The following VPS13A variants were observed in gnomAD, a reference collection of about 807,000 sequenced individuals.
The protein encoded by VPS13A is intermembrane lipid transfer protein VPS13A.
Under a neutral mutation model 390.9 loss-of-function variants are expected in VPS13A, and 264 were observed. The observed-to-expected ratio is 0.68, with a 90% CI of 0.61 to 0.75. The LOEUF (loss-of-function observed/expected upper bound fraction) is 0.75, where lower values mean the gene tolerates loss of function less well. Among genes scored for constraint, VPS13A ranks in the 30% least tolerant of loss-of-function variants. The pLI is 0.00. For synonymous variants in VPS13A, 1,231 were observed against 1,227.1 expected, an observed-to-expected ratio of 1.00 and a Z score of -0.07; for missense variants, 3,409 against 3,733.9, an observed-to-expected ratio of 0.91 and a Z score of 2.27.
At position 77,337,277 on chromosome 9, in the gene VPS13A, G is replaced by A. The variant is rs1373319549; in HGVS notation, c.6118G>A (p.Glu2040Lys). The A allele has an allele frequency of 3.1e-6, 5 of 1,612,308 alleles. No individual in the cohort carries two copies. The highest frequency in any genetic ancestry group is 2.2e-5 in the East Asian group (1 of 44,758). The stretch of plus-strand genomic sequence containing the variant: ...CAGATCATTCATTTTTCTGAAGCCA[G>A]AAGATGAGAACTATCAAATGTGTGA... Reference protein sequence around the residue: ...SYRSFIFLKPEDENYQMCEGI... With the variant: ...SYRSFIFLKPKDENYQMCEGI... The change falls in exon 47 of 72, where the codon GAA (glutamate) becomes AAA (lysine). Residue 2040 changes from glutamate to lysine, a missense_variant. Transcript: ENST00000360280.
At chr9:77,321,084 C>T in intron 42 of VPS13A, 85 bp from the exon 43 acceptor site, 1 of 1,239,220 alleles carries the variant, frequency 8.1e-7, no homozygotes. Context: ...AATGTACTGA[C>T]CTTTCTAATG....
intron 34 of VPS13A, among the ~76,000 whole-genome samples, chr9:77,306,407 T>A (rs1219470070): frequency 1.1e-4 from 14 of 126,868 alleles, no homozygotes; most frequent in African/African-American, 3.6e-4. Context: ...AGAGAGTGTG[T>A]GTGTGTTTGT....
intron 19 of VPS13A, among the ~76,000 whole-genome samples, chr9:77,240,478 GTTTTT>G (rs11351060): frequency 1.6e-5 from 2 of 126,068 alleles, no homozygotes. Context: ...TTATGTTTTT[GTTTTT>G]TTTTTTTTTT....
At chr9:77,354,878 C>T (rs1831678489) in intron 54 of VPS13A, among the ~76,000 whole-genome samples, 2 of 152,180 alleles carry the variant, frequency 1.3e-5, no homozygotes, top group Admixed American at 1.3e-4. Flanking sequence ...CAACAGTTTA[C>T]AGTAGATATA....
intron 50 of VPS13A, chr9:77,340,837 G>A (rs917245697): frequency 8.7e-6 from 3 of 344,792 alleles, no homozygotes; most frequent in Non-Finnish European, 1.1e-5. Flanking sequence ...AGATGTAAAT[G>A]CACCAAAGAG....
chr9:77,315,184 G>GT lies in VPS13A; in HGVS notation c.4413-65dup, dbSNP rs1829316001. Reference sequence around the variant, plus strand: ...AGTAAAAGAGATAAGAGGTCTTTGAGTTTTACTCATATGTTTGATTACTTC... The same window carrying GT: ...AGTAAAAGAGATAAGAGGTCTTTGAGTTTTTACTCATATGTTTGATTACTTC... On this transcript the variant is annotated intron_variant, in intron 37 of 71. Transcript: ENST00000360280. 4 of 1,385,824 alleles carry GT rather than the reference G, an allele frequency of 2.9e-6. No individual in the cohort carries two copies. The Admixed American group carries it at 6.7e-5, about 23-fold the overall frequency. 85.8% of individuals were successfully genotyped at this position (1,385,824 alleles called of 1,614,324 possible).
In VPS13A at chr9:77,417,826, G is replaced by C. The variant is rs1587745572; in HGVS notation, c.*1820G>C. 1 of 152,134 alleles carries C rather than the reference G, an allele frequency of 6.6e-6. No individual in the cohort carries two copies. The highest frequency in any genetic ancestry group is 1.5e-5 in the Non-Finnish European group (1 of 68,024). The allele number at this position is 152,134 out of a possible 1,614,324, so 9.4% of individuals were successfully genotyped here. The stretch of plus-strand genomic sequence containing the variant: ...CTGGCAGCCAGCAGGAGTGGGTCTT[G>C]TGACTAATCCACATGGAAAGGATAG... On this transcript the variant is annotated 3_prime_UTR_variant, in exon 72 of 72. Coordinates refer to ENST00000360280, the MANE Select transcript of VPS13A (RefSeq NM_033305.3).
chr9:77,261,849 A>T (rs1825781673), intron 23 of VPS13A, among the ~76,000 whole-genome samples: 1 of 152,090 alleles, frequency 6.6e-6, no homozygotes, highest in Non-Finnish European at 1.5e-5. Context: ...GCTCCCAAGT[A>T]CTGGGATTAC....
intron 67 of VPS13A, among the ~76,000 whole-genome samples, chr9:77,371,934 GAA>G (rs1453761781): frequency 1.4e-5 from 2 of 143,748 alleles, no homozygotes; most frequent in Admixed American, 1.4e-4. Flanking sequence ...AGTTTACTGA[GAA>G]TGATGATTTC....
At chr9:77,304,453 A>G (rs934241815) in intron 34 of VPS13A, among the ~76,000 whole-genome samples, 4 of 152,166 alleles carry the variant, frequency 2.6e-5, no homozygotes, top group South Asian at 2.1e-4. Flanking sequence ...TTTCCCTACA[A>G]TGAAGGACAC....
chr9:77,260,831 G>A (rs1238146812), intron 23 of VPS13A, among the ~76,000 whole-genome samples: 1 of 151,702 alleles, frequency 6.6e-6, no homozygotes, highest in Non-Finnish European at 1.5e-5. Flanking sequence ...GCATATACTA[G>A]TACACACATG....
At position 77,369,424 on chromosome 9, in the gene VPS13A, A is replaced by C; in HGVS notation, c.8667+12A>C. ...ATGAACCTTACCAGGTAAAATAGTT[A>C]TTTTTGTGGTTGTGCAATATGTCAC... is the stretch of plus-strand genomic sequence containing the variant. On this transcript the variant is annotated intron_variant, in intron 63 of 71. Coordinates refer to ENST00000360280, the MANE Select transcript of VPS13A (RefSeq NM_033305.3). The C allele has an allele frequency of 6.6e-7, 1 of 1,521,060 alleles. No homozygotes were observed. Among genetic ancestry groups the C allele is most frequent in the Non-Finnish European group, 9.1e-7 (1 of 1,095,478 alleles). 94.2% of individuals were successfully genotyped at this position (1,521,060 alleles called of 1,614,324 possible). A position where few individuals can be genotyped will look rare whatever the true frequency, so the allele number is the denominator to read the frequency against.
chr9:77,318,091 T>C (rs1391109252), intron 40 of VPS13A, 144 bp from the exon 41 acceptor site: 1 of 512,754 alleles, frequency 2.0e-6, no homozygotes, highest in Non-Finnish European at 3.2e-6. Flanking sequence ...ATTTAAAAAA[T>C]TTTATAAACA....
At chr9:77,352,790 C>T (rs1385167152) in intron 53 of VPS13A, among the ~76,000 whole-genome samples, 2 of 151,876 alleles carry the variant, frequency 1.3e-5, no homozygotes, top group Non-Finnish European at 2.9e-5. Context: ...TATATTGCAA[C>T]GTGAAGGTAT....
chr9:77,329,021 A>G (rs1239604450), intron 45 of VPS13A, among the ~76,000 whole-genome samples: 2 of 152,194 alleles, frequency 1.3e-5, no homozygotes, highest in Non-Finnish European at 2.9e-5. Flanking sequence ...ACACACTTAC[A>G]AGACCATCAG....
At chr9:77,318,174 T>A (rs1235921132) in intron 40 of VPS13A, 61 bp from the exon 41 acceptor site, 2 of 881,718 alleles carry the variant, frequency 2.3e-6, no homozygotes, top group African/African-American at 3.4e-5. Flanking sequence ...ATATTTAATA[T>A]TTCTTGACGT....
At chr9:77,402,938 TC>T (rs1472391995) in intron 68 of VPS13A, among the ~76,000 whole-genome samples, 1 of 152,212 alleles carries the variant, frequency 6.6e-6, no homozygotes, top group African/African-American at 2.4e-5. Flanking sequence ...CAATATAAAG[TC>T]ACTGTAATAG....
intron 10 of VPS13A, among the ~76,000 whole-genome samples, chr9:77,216,775 T>C (rs1266001040): frequency 6.6e-6 from 1 of 152,148 alleles, no homozygotes; most frequent in Non-Finnish European, 1.5e-5. Flanking sequence ...ATCTGCAAGC[T>C]GAGGAGCAAG....
Position 77,295,793 on chromosome 9 carries a change from C to G in VPS13A, c.3759C>G (p.Pro1253=), listed in dbSNP as rs760846915. ...TGATAACAGAGAGCCAGAGCTCTCC[C>G]CCACCTGTTATTGATTTGATAACAA... ...FHMITESQSS[P]PPVIDLITIK... is the part of the protein sequence containing the mutation. Residue 1253 remains proline, a synonymous_variant, in exon 33 of 72, where the codon CCC becomes CCG. Transcript: ENST00000360280. 1.9e-6 allele frequency: 3 copies of G among 1,613,936 alleles called. No individual in the cohort carries two copies. Among genetic ancestry groups the G allele is most frequent in the Non-Finnish European group, 2.5e-6 (3 of 1,179,932 alleles).
Sources: gnomAD v4.1 joint callset for allele counts (sites outside exome capture counted in the v4.1 genomes callset) on GRCh38, gnomAD v4.1.1 for gene constraint, MANE v1.5 for transcripts, NCBI Gene and HGNC (gene_info 2026-07-23, HGNC 2026-07-21) for gene names.